DNAH6: variants seen among roughly 807,000 people sequenced by gnomAD.
DNAH6 encodes axonemal beta dynein heavy chain 6.
A neutral mutation model predicts 491.4 loss-of-function variants in DNAH6; 340 were observed. The observed-to-expected ratio is 0.69, with a 90% CI of 0.63 to 0.76. The LOEUF is 0.76. Ranked by LOEUF, DNAH6 falls within the 30% of genes least tolerant of loss-of-function variation. The pLI, the probability that DNAH6 is intolerant of heterozygous loss-of-function variation, is 0.00. For synonymous variants in DNAH6, 1,603 were observed against 1,686.1 expected, an observed-to-expected ratio of 0.95 and a Z score of 1.21; for missense variants, 4,443 against 4,972.2, an observed-to-expected ratio of 0.89 and a Z score of 3.20.
At chr2:84,524,450 G>T (rs1332904963) in intron 2 of DNAH6, among the ~76,000 whole-genome samples, 1 of 151,878 alleles carries the variant, frequency 6.6e-6, no homozygotes, top group Non-Finnish European at 1.5e-5. Context: ...GGTTAGTGTT[G>T]ATATGTGTGG....
intron 23 of DNAH6, among the ~76,000 whole-genome samples, chr2:84,619,323 T>G (rs761462914): frequency 6.6e-5 from 10 of 152,218 alleles, no homozygotes; most frequent in Non-Finnish European, 1.3e-4. Flanking sequence ...TGTGACATAC[T>G]AGGCTACATT....
At chr2:84,639,412 C>G (rs948517646) in intron 31 of DNAH6, among the ~76,000 whole-genome samples, 2 of 131,154 alleles carry the variant, frequency 1.5e-5, no homozygotes, top group Non-Finnish European at 3.1e-5. Flanking sequence ...ATTCTGTTGT[C>G]AGTAATTTTT....
intron 55 of DNAH6, among the ~76,000 whole-genome samples, 161 bp from the exon 56 acceptor site, chr2:84,710,126 A>G (rs1696889577): frequency 6.6e-6 from 1 of 152,234 alleles, no homozygotes; most frequent in South Asian, 2.1e-4. Context: ...CATTGGGCTT[A>G]AAAGATGTCT....
intron 59 of DNAH6, among the ~76,000 whole-genome samples, chr2:84,720,464 G>C (rs1698017646): frequency 6.6e-6 from 1 of 150,644 alleles, no homozygotes; most frequent in Non-Finnish European, 1.5e-5. Flanking sequence ...ATTTTTAGTA[G>C]AGACGGGGTT....
chr2:84,777,816 A>G (rs1443085212), intron 64 of DNAH6: 8 of 1,151,848 alleles, frequency 6.9e-6, no homozygotes, highest in Non-Finnish European at 1.1e-5. Flanking sequence ...CAAGCCACAT[A>G]GGTCAAGATA....
At chr2:84,645,167 C>A (rs1454327785) in intron 33 of DNAH6, among the ~76,000 whole-genome samples, 3 of 152,108 alleles carry the variant, frequency 2.0e-5, no homozygotes, top group Non-Finnish European at 2.9e-5. Flanking sequence ...TGCCTGTAAT[C>A]CCAACACTTT....
At chr2:84,573,354 T>C (rs1682085145) in intron 11 of DNAH6, 113 bp from the exon 12 acceptor site, 12 of 807,618 alleles carry the variant, frequency 1.5e-5, no homozygotes, top group South Asian at 1.2e-4. Context: ...AATCAAAACA[T>C]ACTATTGGGC....
In DNAH6 at chr2:84,529,024, G is replaced by A. The variant is rs757331546; in HGVS notation, c.520G>A (p.Asp174Asn). The change falls in exon 4 of 77, where the codon GAC becomes AAC. Residue 174 changes from aspartate (D) to asparagine (N), a missense_variant. Asp to Asn is a conservative substitution (Grantham distance 23). Transcript: ENST00000389394. ...AGCTTACCCTAAGTACACTTTTCAC[G>A]ACCGAGAAGAAGTTGTTAAAGCCAA... Reference protein sequence around the residue: ...SSAYPKYTFHDREEVVKANIR... With the variant: ...SSAYPKYTFHNREEVVKANIR... 3.9e-6 allele frequency: 6 copies of A among 1,551,136 alleles called. No individual in the cohort carries two copies. Among genetic ancestry groups the A allele is most frequent in the Admixed American group, 3.9e-5 (2 of 50,964 alleles).
chr2:84,609,073 A>C (rs78906878), intron 21 of DNAH6, among the ~76,000 whole-genome samples: 61 of 152,030 alleles, frequency 4.0e-4, no homozygotes, highest in Middle Eastern at 3.4e-3. Flanking sequence ...CAGCTTCCTC[A>C]CCTCTCTTAG....
intron 33 of DNAH6, among the ~76,000 whole-genome samples, chr2:84,645,392 C>T (rs1272677057): frequency 6.6e-6 from 1 of 152,172 alleles, no homozygotes; most frequent in African/African-American, 2.4e-5. Context: ...GCACTCCAGC[C>T]TGGACAACAA....
rs1204535081 is a variant in DNAH6 at position 84,699,522 on chromosome 2, A to AAC, written c.7678-72_7678-71insAC. 2.2e-6 allele frequency: 3 copies of AAC among 1,372,036 alleles called. No homozygotes were observed. In the East Asian group the frequency reaches 7.6e-5, roughly 35 times the overall value. 85.0% of individuals were successfully genotyped at this position (1,372,036 alleles called of 1,614,324 possible). ...ATTTGATATTGGGAGCCTCAGATGC[A>AAC]TTAGCCAACACTTATTTTCATTGTT... On this transcript the variant is annotated intron_variant, in intron 47 of 76. Transcript: ENST00000389394.
chr2:84,808,391 G>A (rs1261572697), intron 71 of DNAH6, 24 bp from the exon 72 acceptor site: 7 of 1,500,804 alleles, frequency 4.7e-6, no homozygotes, highest in Non-Finnish European at 6.2e-6. Flanking sequence ...TGACTGGCCT[G>A]AGGAATCGCT....
intron 2 of DNAH6, among the ~76,000 whole-genome samples, chr2:84,518,521 G>A (rs976042964): frequency 1.3e-5 from 2 of 152,186 alleles, no homozygotes; most frequent in Admixed American, 6.5e-5. Context: ...CATGTAAAGA[G>A]CAGTGAAAGC....
intron 57 of DNAH6, among the ~76,000 whole-genome samples, 155 bp downstream of exon 57, chr2:84,713,414 G>A (rs1697237952): frequency 6.6e-6 from 1 of 152,054 alleles, no homozygotes. Context: ...TTCCATTCTT[G>A]CTTCCCTTCT....
chr2:84,796,456 C>T (rs1446452211), intron 69 of DNAH6, 31 bp downstream of exon 69: 3 of 1,471,422 alleles, frequency 2.0e-6, no homozygotes, highest in African/African-American at 1.4e-5. Context: ...ACAGAAAAGG[C>T]CTTTCCCAAG....
intron 45 of DNAH6, among the ~76,000 whole-genome samples, chr2:84,690,828 A>G (rs2104776780): frequency 6.6e-6 from 1 of 152,372 alleles, no homozygotes; most frequent in Non-Finnish European, 1.5e-5. Flanking sequence ...AAAGTGAGTT[A>G]TGGATTAATT....
At position 84,634,539 on chromosome 2, in the gene DNAH6, A is replaced by G; in HGVS notation, c.4551A>G (p.Ser1517=). The part of the protein sequence containing the change: ...MGRFFSGLAQ[S]GAWCCFDEFN... ...GCTTCTTCAGTGGCTTGGCACAGTCAGGGGCCTGGTGCTGCTTTGATGAAT... is the reference window on the plus strand; with the variant it reads ...GCTTCTTCAGTGGCTTGGCACAGTCGGGGGCCTGGTGCTGCTTTGATGAAT... Residue 1517 remains serine (S), a synonymous_variant, in exon 30 of 77, where the codon TCA becomes TCG. Coordinates refer to ENST00000389394, the MANE Select transcript of DNAH6 (RefSeq NM_001370.2). 1.3e-6 allele frequency: 2 copies of G among 1,548,926 alleles called. No homozygotes were observed. Among genetic ancestry groups the G allele is most frequent in the South Asian group, 2.4e-5 (2 of 83,478 alleles).
intron 9 of DNAH6, among the ~76,000 whole-genome samples, chr2:84,551,851 C>T (rs1349287062): frequency 6.6e-6 from 1 of 152,122 alleles, no homozygotes; most frequent in African/African-American, 2.4e-5. Context: ...AGTTCGAGAC[C>T]AGCCTGGCCA....
intron 11 of DNAH6, among the ~76,000 whole-genome samples, chr2:84,568,185 A>C (rs1681410766): frequency 6.6e-6 from 1 of 152,146 alleles, no homozygotes; most frequent in South Asian, 2.1e-4. Context: ...AAGACCTAGA[A>C]CCAGAAATAC....
Sources: allele counts gnomAD v4.1 joint callset (sites outside exome capture counted in the v4.1 genomes callset), GRCh38; gene constraint gnomAD v4.1.1; transcripts MANE v1.5; gene names NCBI Gene and HGNC (gene_info 2026-07-23, HGNC 2026-07-21).